RAD51B: variants seen among roughly 807,000 people sequenced by gnomAD.
RAD51B encodes DNA repair protein RAD51 homolog 2.
RAD51B carries 38 observed loss-of-function variants against 42.2 expected under a neutral mutation model. The ratio of observed to expected loss-of-function variants is 0.90; its 90% CI spans 0.70 to 1.18. The LOEUF is 1.18. RAD51B is among the 50% of genes most tolerant of loss of function. The probability of loss-of-function intolerance (pLI) is 0.00; values close to 1 mark genes in which losing one functional copy is unlikely to be tolerated. For synonymous variants in RAD51B, 154 were observed against 145.2 expected (o/e 1.06, Z -0.43); for missense variants, 373 against 400.7 (o/e 0.93, Z 0.59).
chr14:67,987,077 A>G (rs1415117571), intron 7 of RAD51B, among the ~76,000 whole-genome samples: 1 of 152,050 alleles, frequency 6.6e-6, no homozygotes, highest in Non-Finnish European at 1.5e-5. Flanking sequence ...GTCAGTGTAT[A>G]TATTTATGGG....
At chr14:67,886,146 C>T (rs2043054314) in intron 6 of RAD51B, among the ~76,000 whole-genome samples, 158 bp downstream of exon 6, 1 of 152,014 alleles carries the variant, frequency 6.6e-6, no homozygotes, top group African/African-American at 2.4e-5. Flanking sequence ...TGGTTGAAGT[C>T]TTTCTTGAAA....
rs764219896 is a variant in RAD51B at position 68,411,447 on chromosome 14, A to G, written c.877A>G (p.Ile293Val). 85 of 1,614,006 alleles carry G rather than the reference A, an allele frequency of 5.3e-5. No individual in the cohort carries two copies. Among genetic ancestry groups the G allele is most frequent in the Non-Finnish European group, 6.7e-5 (79 of 1,179,990 alleles). The change falls in exon 9 of 11, where the codon ATA becomes GTA. Residue 293 changes from isoleucine to valine, a missense_variant. Transcript: ENST00000471583. ...SEGTSGSSCV[I>V]AALGNTWSHS... ...AGGCACTTCTGGATCCAGCTGTGTG[A>G]TAGCCGCACTAGGAAATACCTGGAG...
At chr14:67,822,460 T>A (rs1014705963) in intron 1 of RAD51B, 11 of 152,366 alleles carry the variant, frequency 7.2e-5, no homozygotes, top group African/African-American at 2.7e-4. Flanking sequence ...GAGGATCACT[T>A]GAGCCCAGGA....
chr14:68,398,410 A>G (rs898344932), intron 8 of RAD51B, among the ~76,000 whole-genome samples: 4 of 152,158 alleles, frequency 2.6e-5, no homozygotes, highest in Admixed American at 1.3e-4. Context: ...GAAACACAGC[A>G]GAGTGTGAAC....
intron 4 of RAD51B, among the ~76,000 whole-genome samples, chr14:67,848,743 G>T (rs2041707275): frequency 6.6e-6 from 1 of 152,126 alleles, no homozygotes; most frequent in African/African-American, 2.4e-5. Context: ...TCCATGTTTA[G>T]CATTTCCTGA....
intron 7 of RAD51B, among the ~76,000 whole-genome samples, chr14:67,930,185 A>G (rs2140154908): frequency 6.6e-6 from 1 of 152,284 alleles, no homozygotes. Context: ...TAATCCATTA[A>G]TATTCAAGGT....
intron 7 of RAD51B, among the ~76,000 whole-genome samples, chr14:68,265,705 T>A (rs118030449): frequency 0.27 from 40,859 of 151,784 alleles, 6,510 homozygotes; most frequent in Non-Finnish European, 0.37. Context: ...TGAGCTGAGA[T>A]CACATACCAC....
chr14:68,151,612 T>G (rs117610718), intron 7 of RAD51B, among the ~76,000 whole-genome samples: 3,360 of 150,800 alleles, frequency 0.022, 52 homozygotes, highest in Middle Eastern at 0.051. Context: ...TCTTGGTTTT[T>G]TGTGTGTGTG....
chr14:68,143,720 T>G (rs533542690), intron 7 of RAD51B, among the ~76,000 whole-genome samples: 1 of 152,330 alleles, frequency 6.6e-6, no homozygotes, highest in East Asian at 1.9e-4. Flanking sequence ...CACTATACTC[T>G]GCCTGTTGCT....
At chr14:68,442,545 A>G (rs950635847) in intron 9 of RAD51B, among the ~76,000 whole-genome samples, 3 of 141,218 alleles carry the variant, frequency 2.1e-5, no homozygotes, top group Non-Finnish European at 4.5e-5. Context: ...GGTTCAAGCT[A>G]TTCTCCTACC....
At chr14:68,021,303 G>C (rs2075861157) in intron 7 of RAD51B, among the ~76,000 whole-genome samples, 1 of 152,232 alleles carries the variant, frequency 6.6e-6, no homozygotes, top group Non-Finnish European at 1.5e-5. Context: ...ACGAGGATCA[G>C]ATGCCAGTGA....
At chr14:67,827,475 TC>T (rs2040872563) in intron 3 of RAD51B, among the ~76,000 whole-genome samples, 1 of 151,986 alleles carries the variant, frequency 6.6e-6, no homozygotes, top group African/African-American at 2.4e-5. Context: ...TTTTTTTTTT[TC>T]CAACTTTTAT....
intron 7 of RAD51B, among the ~76,000 whole-genome samples, chr14:68,203,980 A>G (rs2079538546): frequency 2.0e-5 from 3 of 152,250 alleles, no homozygotes; most frequent in Admixed American, 6.5e-5. Context: ...TCTTCTAGCT[A>G]AACTACTAAA....
intron 9 of RAD51B, among the ~76,000 whole-genome samples, chr14:68,452,645 G>T (rs974203132): frequency 1.8e-4 from 28 of 152,088 alleles, no homozygotes; most frequent in Admixed American, 9.8e-4. Context: ...CCTTTAAAAT[G>T]GGGCAAGTTA....
At chr14:67,979,145 C>A (rs140215687) in intron 7 of RAD51B, among the ~76,000 whole-genome samples, 38 of 152,322 alleles carry the variant, frequency 2.5e-4, no homozygotes, top group Non-Finnish European at 4.0e-4. Flanking sequence ...TCACTGTAAA[C>A]AACTCTGCAA....
At chr14:68,214,596 G>A (rs963434350) in intron 7 of RAD51B, among the ~76,000 whole-genome samples, 4 of 152,200 alleles carry the variant, frequency 2.6e-5, no homozygotes, top group African/African-American at 7.2e-5. Flanking sequence ...ATTTGTTTGA[G>A]CAATGAGAGA....
rs556608587 is a variant in RAD51B at position 68,565,993 on chromosome 14, A to C, written c.1037-28492A>C. On this transcript the variant is annotated intron_variant, in intron 10 of 10. Coordinates refer to the RAD51B transcript ENST00000487270. The surrounding 1 kb of genome is among the most constrained non-coding windows in gnomAD (Gnocchi z 4.1). ...TGGGTATGTTGGGGTAGAAAGCTTT[A>C]GGACCATTCTTCTAGAATAAGGTAA... Among the ~76,000 whole-genome samples, 5 of 152,320 alleles carry C rather than the reference A, an allele frequency of 3.3e-5. No homozygotes were observed. In the East Asian group the frequency reaches 9.6e-4, roughly 29 times the overall value.
At chr14:67,918,186 A>T (rs1188749885) in intron 7 of RAD51B, among the ~76,000 whole-genome samples, 7 of 152,154 alleles carry the variant, frequency 4.6e-5, no homozygotes, top group African/African-American at 1.7e-4. Context: ...CTTTCTAAAA[A>T]GATTTTCAGA....
chr14:68,292,044 C>G, intron 8 of RAD51B, 64 bp downstream of exon 8: 1 of 1,398,612 alleles, frequency 7.1e-7, no homozygotes. Flanking sequence ...TGCCTCTCCA[C>G]CTCCTGTTGA....
Sources: allele counts gnomAD v4.1 joint callset (sites outside exome capture counted in the v4.1 genomes callset), GRCh38; gene constraint gnomAD v4.1.1; non-coding constraint Gnocchi (gnomAD v3.1); transcripts MANE v1.5; gene names NCBI Gene and HGNC (gene_info 2026-07-23, HGNC 2026-07-21).